The following GATAD2A variants were observed in gnomAD, a reference collection of about 807,000 sequenced individuals.
The protein encoded by GATAD2A is transcriptional repressor p66-alpha.
A neutral mutation model predicts 68.5 loss-of-function variants in GATAD2A; 12 were observed. The observed-to-expected ratio is 0.18, with a 90% CI of 0.11 to 0.28. The LOEUF (loss-of-function observed/expected upper bound fraction) is 0.28, where lower values mean the gene tolerates loss of function less well. GATAD2A is among the 10% of genes least tolerant of loss of function. GATAD2A has a pLI of 1.00. For synonymous variants in GATAD2A, 410 were observed against 375.3 expected (o/e 1.09, Z -1.07); for missense variants, 755 against 868.5 (o/e 0.87, Z 1.64).
intron 1 of GATAD2A, among the ~76,000 whole-genome samples, chr19:19,439,247 T>G (rs2054710727): frequency 6.6e-6 from 1 of 152,266 alleles, no homozygotes; most frequent in Non-Finnish European, 1.5e-5. Context: ...GAATTTGGCC[T>G]GTCAGGTCCT....
At chr19:19,436,339 G>A (rs1359360465) in intron 1 of GATAD2A, 2 of 491,878 alleles carry the variant, frequency 4.1e-6, no homozygotes, top group Non-Finnish European at 7.9e-6. Flanking sequence ...AGAAGATGGA[G>A]GGAGGCAGGC....
chr19:19,439,890 GTGTTTACTC>G (rs1225868578), intron 1 of GATAD2A, among the ~76,000 whole-genome samples: 2 of 152,064 alleles, frequency 1.3e-5, no homozygotes, highest in African/African-American at 4.8e-5. Context: ...AAAAAGACAT[GTGTTTACTC>G]TTTGCTCCAG....
At chr19:19,495,990 C>G (rs575347401) in intron 6 of GATAD2A, 62 bp from the exon 7 acceptor site, 15 of 1,587,466 alleles carry the variant, frequency 9.4e-6, no homozygotes, top group African/African-American at 2.7e-5. Flanking sequence ...CCTGTGCCTT[C>G]CGGTCCCGCT....
rs1477352870 is a variant in GATAD2A, at chr19:19,508,418, C to T, written c.*2944C>T. ...ACAGTGCTAGTTGTGCCTGGTCTTA[C>T]CTGTACTCCACGGACCTCGGTGAAG... On this transcript the variant is annotated 3_prime_UTR_variant, in exon 12 of 12. Transcript: ENST00000683918. 6.6e-6 allele frequency: 1 copy of T among 152,248 alleles called. No homozygotes were observed. Among genetic ancestry groups the T allele is most frequent in the African/African-American group, 2.4e-5 (1 of 41,450 alleles). The allele number at this position is 152,248 out of a possible 1,614,324, so 9.4% of individuals were successfully genotyped here.
chr19:19,495,884 A>G lies in GATAD2A; in HGVS notation c.755A>G (p.Gln252Arg). 1 of 1,612,002 alleles carries G rather than the reference A, an allele frequency of 6.2e-7. No homozygotes were observed. Among genetic ancestry groups the G allele is most frequent in the Non-Finnish European group, 8.5e-7 (1 of 1,178,856 alleles). ...VVMPPLVRGA[Q>R]QIHSIRQHSS... ...ATGCCCCCACTCGTCAGGGGGGCTC[A>G]GGTAAGCAGGGCTGTGCACATGGGG... Residue 252 changes from glutamine to arginine, a missense_variant and splice_region_variant, in exon 6 of 12, where the codon CAG becomes CGG. Physicochemically the swap from Gln to Arg is conservative, Grantham distance 43. Coordinates refer to ENST00000683918, the MANE Select transcript of GATAD2A (RefSeq NM_001384528.1).
At chr19:19,458,185 T>C (rs1404848421) in intron 1 of GATAD2A, among the ~76,000 whole-genome samples, 1 of 152,210 alleles carries the variant, frequency 6.6e-6, no homozygotes, top group Non-Finnish European at 1.5e-5. Context: ...GTTCTCCTTT[T>C]GAGAAAGCCT....
chr19:19,444,183 AC>A (rs2055424397), intron 1 of GATAD2A, among the ~76,000 whole-genome samples: 1 of 152,082 alleles, frequency 6.6e-6, no homozygotes, highest in Non-Finnish European at 1.5e-5. Flanking sequence ...CCACTCCAGT[AC>A]CCTGACTCTA....
At chr19:19,502,120 C>T in intron 10 of GATAD2A, 77 bp downstream of exon 10, 1 of 1,079,066 alleles carries the variant, frequency 9.3e-7, no homozygotes. Flanking sequence ...GACTGTCACG[C>T]TGCCTCTTCT....
intron 4 of GATAD2A, among the ~76,000 whole-genome samples, chr19:19,493,186 A>G (rs1477106953): frequency 1.3e-5 from 2 of 152,164 alleles, no homozygotes; most frequent in Non-Finnish European, 2.9e-5. Context: ...TGATCCGCCC[A>G]CACGGGCCTC....
At chr19:19,439,331 A>C (rs571448059) in intron 1 of GATAD2A, among the ~76,000 whole-genome samples, 1 of 152,364 alleles carries the variant, frequency 6.6e-6, no homozygotes, top group East Asian at 1.9e-4. Flanking sequence ...GTAGAAAAAC[A>C]GATTGCATCA....
chr19:19,439,690 G>A (rs1011501765), intron 1 of GATAD2A, among the ~76,000 whole-genome samples: 58 of 152,058 alleles, frequency 3.8e-4, no homozygotes, highest in Non-Finnish European at 7.5e-4. Context: ...TTTACTAAAA[G>A]TACAAAATTA....
chr19:19,447,923 T>C (rs1049655851), intron 1 of GATAD2A, among the ~76,000 whole-genome samples: 1 of 152,238 alleles, frequency 6.6e-6, no homozygotes, highest in African/African-American at 2.4e-5. Context: ...TCCCTGCCGT[T>C]TCCAGTCTCA....
In GATAD2A at chr19:19,505,400, G is replaced by C. The variant is rs770585788; in HGVS notation, c.1831G>C (p.Val611Leu). ...GGCGGTGCACAAGAGCTCCTCGGCC[G>C]TGGACCGCCAGCGAGAGTACCTCCT... is the stretch of plus-strand genomic sequence containing the variant. ...SLAVHKSSSA[V>L]DRQREYLLDM... Residue 611 changes from valine (V) to leucine (L), a missense_variant, in exon 12 of 12, where the codon GTG becomes CTG. Physicochemically the swap from Val to Leu is conservative, Grantham distance 32. Transcript: ENST00000683918. 6.2e-7 allele frequency: 1 copy of C among 1,612,582 alleles called. No homozygotes were observed. Among genetic ancestry groups the C allele is most frequent in the Admixed American group, 1.7e-5 (1 of 59,934 alleles).
At chr19:19,448,370 A>C (rs960581091) in intron 1 of GATAD2A, among the ~76,000 whole-genome samples, 1 of 152,248 alleles carries the variant, frequency 6.6e-6, no homozygotes, top group Non-Finnish European at 1.5e-5. Context: ...GTGTGGGGCC[A>C]CTTCAAGCAC....
intron 1 of GATAD2A, among the ~76,000 whole-genome samples, chr19:19,446,626 T>C (rs1412097368): frequency 6.6e-6 from 1 of 152,208 alleles, no homozygotes; most frequent in East Asian, 1.9e-4. Context: ...TTCTCCTGTG[T>C]TTTTTCTTCT....
At chr19:19,429,833 G>A (rs1010976379) in intron 1 of GATAD2A, among the ~76,000 whole-genome samples, 4 of 152,126 alleles carry the variant, frequency 2.6e-5, no homozygotes, top group African/African-American at 7.2e-5. Flanking sequence ...TGGTCCTCCC[G>A]GGGCTGATTC....
chr19:19,398,676 G>A (rs1321331173), intron 1 of GATAD2A, among the ~76,000 whole-genome samples: 6 of 151,898 alleles, frequency 4.0e-5, no homozygotes, highest in Non-Finnish European at 7.4e-5. Context: ...GGTGGCTCAC[G>A]CCTGTAATCC....
chr19:19,485,824 C>G (rs999726927), intron 2 of GATAD2A, among the ~76,000 whole-genome samples: 1 of 152,196 alleles, frequency 6.6e-6, no homozygotes, highest in East Asian at 1.9e-4. Context: ...AGGGCTCCTT[C>G]TTCATATCCA....
At chr19:19,444,092 T>G (rs1189288944) in intron 1 of GATAD2A, among the ~76,000 whole-genome samples, 1 of 152,106 alleles carries the variant, frequency 6.6e-6, no homozygotes, top group Admixed American at 6.5e-5. Flanking sequence ...CTTTCTGGCT[T>G]TGACTGGACA....
Sources: allele counts gnomAD v4.1 joint callset (sites outside exome capture counted in the v4.1 genomes callset), GRCh38; gene constraint gnomAD v4.1.1; transcripts MANE v1.5; gene names NCBI Gene and HGNC (gene_info 2026-07-23, HGNC 2026-07-21).